The following AKAP7 variants were observed in gnomAD, a reference collection of about 807,000 sequenced individuals.
AKAP7 encodes the protein A-kinase anchoring protein 7, also known as A kinase (PRKA) anchor protein 7.
In AKAP7, 39 loss-of-function variants were observed where a neutral mutation model predicts 39.5. The observed-to-expected ratio is 0.99, with a 90% CI of 0.76 to 1.29. The LOEUF (loss-of-function observed/expected upper bound fraction) is 1.29. Ranked by LOEUF, AKAP7 falls within the 50% of genes most tolerant of loss-of-function variation. The pLI is 0.00. For missense variants in AKAP7, 414 were observed against 407.7 expected (o/e 1.02, Z -0.13); for synonymous variants, 140 against 139.1 (o/e 1.01, Z -0.05).
intron 6 of AKAP7, among the ~76,000 whole-genome samples, chr6:131,214,201 G>C (rs1585104583): frequency 6.6e-6 from 1 of 152,252 alleles, no homozygotes; most frequent in East Asian, 1.9e-4. Flanking sequence ...TTTTAGGATA[G>C]GTAAAAGGAG....
At chr6:131,206,190 A>G (rs1255031684) in intron 6 of AKAP7, among the ~76,000 whole-genome samples, 5 of 152,224 alleles carry the variant, frequency 3.3e-5, no homozygotes, top group African/African-American at 1.2e-4. Context: ...AGTTGTTTTT[A>G]ATCACAAATT....
chr6:131,205,453 G>T (rs1292036705), intron 6 of AKAP7, among the ~76,000 whole-genome samples: 1 of 152,092 alleles, frequency 6.6e-6, no homozygotes, highest in Non-Finnish European at 1.5e-5. Context: ...GGCTTCCGGG[G>T]TCCTGTCCTC....
intron 7 of AKAP7, among the ~76,000 whole-genome samples, chr6:131,226,808 G>A (rs936760105): frequency 1.3e-5 from 2 of 152,156 alleles, no homozygotes; most frequent in African/African-American, 2.4e-5. Context: ...TATAACTTCT[G>A]CAAGCAGAGG....
chr6:131,200,214 A>G (rs896345292), intron 6 of AKAP7, among the ~76,000 whole-genome samples: 1 of 152,188 alleles, frequency 6.6e-6, no homozygotes, highest in Non-Finnish European at 1.5e-5. Context: ...TACTGCCTTT[A>G]TAGGCCACCC....
intron 5 of AKAP7, among the ~76,000 whole-genome samples, chr6:131,181,427 G>A (rs1585028408): frequency 6.6e-6 from 1 of 152,198 alleles, no homozygotes; most frequent in East Asian, 1.9e-4. Context: ...CTATTGCTGT[G>A]CCTCAGTCCA....
intron 5 of AKAP7, among the ~76,000 whole-genome samples, chr6:131,183,445 G>A (rs1454406293): frequency 2.0e-5 from 3 of 152,038 alleles, no homozygotes; most frequent in Admixed American, 6.5e-5. Flanking sequence ...GGTCCAGGAA[G>A]AACAAAAAGG....
upstream of AKAP7, among the ~76,000 whole-genome samples, chr6:131,132,597 C>A (rs1015537419): frequency 6.7e-6 from 1 of 150,210 alleles, no homozygotes; most frequent in Non-Finnish European, 1.5e-5. Context: ...TCCTGGACCA[C>A]AACACCCCAC....
intron 6 of AKAP7, among the ~76,000 whole-genome samples, chr6:131,207,491 ATTTTTTTT>A (rs531582478): frequency 6.3e-5 from 5 of 78,806 alleles, no homozygotes; most frequent in African/African-American, 9.9e-5. Context: ...GCTAATTAAA[ATTTTTTTT>A]TTTTTTTTTT....
rs1176053515 is a variant in AKAP7, at chr6:131,282,591, C to T, written c.*865C>T. 3 of 1,534,858 alleles carry T rather than the reference C, an allele frequency of 2.0e-6. No homozygotes were observed. The highest frequency in any genetic ancestry group is 3.9e-5 in the Admixed American group (2 of 50,958). ...TCAGCAAATGACGTTGATTTCAGCA[C>T]AACTTTGACATAAGCTCTACATTGC... On this transcript the variant is annotated 3_prime_UTR_variant, in exon 8 of 8. Coordinates refer to ENST00000431975, the MANE Select transcript of AKAP7 (RefSeq NM_016377.4).
intron 5 of AKAP7, chr6:131,184,309 C>A: frequency 1.8e-6 from 1 of 567,322 alleles, no homozygotes. Context: ...TGTCGGGGAG[C>A]AGGGGGGTGG....
chr6:131,156,486 A>G (rs1278840343), intron 2 of AKAP7, among the ~76,000 whole-genome samples: 1 of 151,918 alleles, frequency 6.6e-6, no homozygotes, highest in African/African-American at 2.4e-5. Flanking sequence ...AAAAAATGAA[A>G]AATTAATGAG....
At chr6:131,224,415 G>A (rs1562226424) in intron 7 of AKAP7, among the ~76,000 whole-genome samples, 2 of 152,026 alleles carry the variant, frequency 1.3e-5, no homozygotes, top group South Asian at 2.1e-4. Flanking sequence ...CATTAATACC[G>A]TGGGACAGAT....
At chr6:131,189,215 T>G (rs1022552375) in intron 5 of AKAP7, among the ~76,000 whole-genome samples, 1 of 152,188 alleles carries the variant, frequency 6.6e-6, no homozygotes, top group Non-Finnish European at 1.5e-5. Flanking sequence ...AATTCAAAAT[T>G]TACAAGTACA....
chr6:131,210,344 T>C (rs1208389377), intron 6 of AKAP7, among the ~76,000 whole-genome samples: 2 of 152,254 alleles, frequency 1.3e-5, no homozygotes, highest in Non-Finnish European at 2.9e-5. Flanking sequence ...TTGGCCTCTT[T>C]GCCAGGGCCA....
intron 6 of AKAP7, among the ~76,000 whole-genome samples, chr6:131,218,601 T>G (rs1371999295): frequency 6.6e-6 from 1 of 152,220 alleles, no homozygotes; most frequent in Non-Finnish European, 1.5e-5. Context: ...TTTAATCTTA[T>G]GGACTGTATT....
intron 5 of AKAP7, among the ~76,000 whole-genome samples, chr6:131,181,956 T>C (rs1805300289): frequency 6.6e-6 from 1 of 152,052 alleles, no homozygotes; most frequent in Non-Finnish European, 1.5e-5. Context: ...AAACTCCATC[T>C]CTACTAAAAA....
chr6:131,207,491 A>ATTTTTTTT (rs531582478), intron 6 of AKAP7, among the ~76,000 whole-genome samples: 6 of 78,800 alleles, frequency 7.6e-5, no homozygotes, highest in Non-Finnish European at 1.0e-4. Flanking sequence ...GCTAATTAAA[A>ATTTTTTTT]TTTTTTTTTT....
chr6:131,158,694 A>T (rs932696855), intron 2 of AKAP7, among the ~76,000 whole-genome samples: 4 of 151,988 alleles, frequency 2.6e-5, no homozygotes, highest in African/African-American at 7.3e-5. Flanking sequence ...TTTAGAGGAG[A>T]TGGGGTTTCA....
intron 7 of AKAP7, among the ~76,000 whole-genome samples, chr6:131,259,802 T>A (rs79850117): frequency 0.027 from 4,143 of 152,272 alleles, 132 homozygotes; most frequent in African/African-American, 0.074. Context: ...AAAATTTTTT[T>A]AAATTTTATT....
Sources: gnomAD v4.1 joint callset for allele counts (sites outside exome capture counted in the v4.1 genomes callset) on GRCh38, gnomAD v4.1.1 for gene constraint, MANE v1.5 for transcripts, NCBI Gene and HGNC (gene_info 2026-07-23, HGNC 2026-07-21) for gene names.